Variants in CNTN6 observed in about 807,000 individuals in gnomAD.
CNTN6 encodes the protein contactin-6.
CNTN6 carries 137 observed loss-of-function variants against 122.8 expected under a neutral mutation model. The observed-to-expected ratio is 1.12, with a 90% CI of 0.97 to 1.29. The LOEUF (loss-of-function observed/expected upper bound fraction) is 1.29, where lower values mean the gene tolerates loss of function less well. CNTN6 is among the 50% of genes most tolerant of loss of function. The probability of loss-of-function intolerance (pLI) is 0.00; values close to 1 mark genes in which losing one functional copy is unlikely to be tolerated. For synonymous variants in CNTN6, 570 were observed against 426.0 expected, an observed-to-expected ratio of 1.34 and a Z score of -4.16; for missense variants, 1,634 against 1,223.4, an observed-to-expected ratio of 1.34 and a Z score of -5.01.
intron 20 of CNTN6, among the ~76,000 whole-genome samples, chr3:1,394,610 G>A (rs1694754901): frequency 1.3e-5 from 2 of 152,134 alleles, no homozygotes; most frequent in Admixed American, 1.3e-4. Context: ...GAACATCTCA[G>A]TAATAATTTT....
chr3:1,307,102 G>A (rs370738713), intron 7 of CNTN6, among the ~76,000 whole-genome samples: 22 of 151,986 alleles, frequency 1.4e-4, no homozygotes, highest in East Asian at 5.8e-4. Context: ...TAAAGGCCCC[G>A]GGGAGGTTGC....
chr3:1,124,213 A>T (rs2092071818), intron 1 of CNTN6, among the ~76,000 whole-genome samples: 1 of 151,952 alleles, frequency 6.6e-6, no homozygotes, highest in South Asian at 2.1e-4. Flanking sequence ...ACAGAGAGGA[A>T]AGCGTTCCTT....
chr3:1,397,722 TTGACGTTGAC>T (rs1348096095), intron 20 of CNTN6, among the ~76,000 whole-genome samples: 37 of 152,294 alleles, frequency 2.4e-4, no homozygotes, highest in African/African-American at 8.9e-4. Context: ...AATTTGGCCC[TTGACGTTGAC>T]TGACTAGCAC....
At chr3:1,386,657 T>C (rs565016253) in intron 20 of CNTN6, among the ~76,000 whole-genome samples, 1 of 152,186 alleles carries the variant, frequency 6.6e-6, no homozygotes, top group South Asian at 2.1e-4. Context: ...ATATTATTAA[T>C]GAACACAAAT....
At position 1,310,066 on chromosome 3, in the gene CNTN6, G is replaced by A. The variant is rs1396239882; in HGVS notation, c.762-11584G>A. ...TTGGGGATTTTTCATTGCTGCCTGG[G>A]AACAAGTATTATTTCCTTCTTTTCA... On this transcript the variant is annotated intron_variant, in intron 7 of 22. Transcript: ENST00000446702. Among the ~76,000 whole-genome samples, 4 of 151,656 alleles carry A rather than the reference G, an allele frequency of 2.6e-5. No individual in the cohort carries two copies. The East Asian group carries it at 7.7e-4, about 29-fold the overall frequency.
intron 2 of CNTN6, among the ~76,000 whole-genome samples, chr3:1,182,830 G>T (rs187209305): frequency 1.4e-4 from 22 of 152,122 alleles, no homozygotes; most frequent in Admixed American, 7.2e-4. Flanking sequence ...GCATAATGGT[G>T]TTGCATGAAC....
chr3:1,138,832 A>G (rs9856837), intron 1 of CNTN6, among the ~76,000 whole-genome samples: 7,347 of 151,988 alleles, frequency 0.048, 560 homozygotes, highest in African/African-American at 0.16. Context: ...TATGTATTAT[A>G]TATCTATATA....
At chr3:1,095,853 G>A (rs528422379) in intron 1 of CNTN6, among the ~76,000 whole-genome samples, 1 of 152,198 alleles carries the variant, frequency 6.6e-6, no homozygotes, top group South Asian at 2.1e-4. Context: ...AATTCCCATG[G>A]TCTCAGTTTA....
intron 7 of CNTN6, among the ~76,000 whole-genome samples, chr3:1,308,126 C>T (rs574353358): frequency 6.6e-6 from 1 of 152,278 alleles, no homozygotes; most frequent in East Asian, 1.9e-4. Context: ...TAATTTACTT[C>T]TGTCAGTACT....
chr3:1,214,182 T>G (rs1444689949), intron 2 of CNTN6, among the ~76,000 whole-genome samples: 1 of 152,082 alleles, frequency 6.6e-6, no homozygotes, highest in South Asian at 2.1e-4. Context: ...TCATATTTAA[T>G]TGAATGGATT....
At chr3:1,345,550 T>A (rs1481095681) in intron 11 of CNTN6, among the ~76,000 whole-genome samples, 1 of 152,174 alleles carries the variant, frequency 6.6e-6, no homozygotes, top group African/African-American at 2.4e-5. Flanking sequence ...AAATAAGAAA[T>A]TTTTAAAAGA....
chr3:1,331,018 G>T (rs1005907236), intron 11 of CNTN6, among the ~76,000 whole-genome samples: 6 of 151,794 alleles, frequency 4.0e-5, no homozygotes, highest in Admixed American at 3.9e-4. Flanking sequence ...ATGAATGAAG[G>T]GACATCATTT....
At chr3:1,108,045 A>G (rs1237470815) in intron 1 of CNTN6, among the ~76,000 whole-genome samples, 1 of 152,046 alleles carries the variant, frequency 6.6e-6, no homozygotes, top group Admixed American at 6.6e-5. Flanking sequence ...ATTACCCTAG[A>G]CATAGATAGC....
intron 17 of CNTN6, among the ~76,000 whole-genome samples, chr3:1,382,120 A>G (rs1691988759): frequency 6.6e-6 from 1 of 151,646 alleles, no homozygotes; most frequent in African/African-American, 2.4e-5. Flanking sequence ...AAAAAAAAGC[A>G]AAGCATTTTC....
intron 5 of CNTN6, among the ~76,000 whole-genome samples, chr3:1,285,582 C>G (rs1014187708): frequency 2.0e-5 from 3 of 152,180 alleles, no homozygotes; most frequent in African/African-American, 7.2e-5. Context: ...ATTTGCAATA[C>G]TTCAACGCAT....
At chr3:1,308,056 G>A (rs1036771657) in intron 7 of CNTN6, among the ~76,000 whole-genome samples, 1 of 151,996 alleles carries the variant, frequency 6.6e-6, no homozygotes, top group Non-Finnish European at 1.5e-5. Flanking sequence ...AGAATAATGA[G>A]ACTATAGAAT....
intron 2 of CNTN6, among the ~76,000 whole-genome samples, chr3:1,178,481 G>C (rs919348218): frequency 2.1e-4 from 32 of 152,198 alleles, no homozygotes; most frequent in African/African-American, 7.7e-4. Context: ...TATTGTCTGT[G>C]TTTTCCAGTA....
At chr3:1,383,540 T>C (rs1038136212) in intron 19 of CNTN6, 132 bp downstream of exon 19, 2 of 690,172 alleles carry the variant, frequency 2.9e-6, no homozygotes, top group Admixed American at 5.2e-5. Context: ...AAGCAGAGAA[T>C]GAAGTTGAGA....
chr3:1,121,669 T>C (rs76191452), intron 1 of CNTN6, among the ~76,000 whole-genome samples: 2,889 of 152,006 alleles, frequency 0.019, 41 homozygotes, highest in Middle Eastern at 0.027. Context: ...TTGAAACATA[T>C]AAGATTACAA....
Sources: allele counts gnomAD v4.1 joint callset (sites outside exome capture counted in the v4.1 genomes callset), GRCh38; gene constraint gnomAD v4.1.1; transcripts MANE v1.5; gene names NCBI Gene and HGNC (gene_info 2026-07-23, HGNC 2026-07-21).